DAB1: variants seen among roughly 807,000 people sequenced by gnomAD.
The protein encoded by DAB1 is disabled homolog 1.
In DAB1, 15 loss-of-function variants were observed where a neutral mutation model predicts 64.6. The ratio of observed to expected loss-of-function variants is 0.23; its 90% confidence interval spans 0.16 to 0.36. The LOEUF (loss-of-function observed/expected upper bound fraction) is 0.36, where lower values mean the gene tolerates loss of function less well. DAB1 is among the 10% of genes least tolerant of loss of function. The pLI is 1.00. For missense variants in DAB1, 596 were observed against 706.7 expected, an observed-to-expected ratio of 0.84 and a Z score of 1.78; for synonymous variants, 235 against 251.9, an observed-to-expected ratio of 0.93 and a Z score of 0.64.
At chr1:58,140,212 C>T (rs968316036) in intron 5 of DAB1, among the ~76,000 whole-genome samples, 17 of 152,138 alleles carry the variant, frequency 1.1e-4, no homozygotes, top group African/African-American at 1.7e-4. Context: ...CTACTTGAGG[C>T]TCAATAGAAG....
chr1:57,854,513 C>G (rs373018095), intron 1 of DAB1, among the ~76,000 whole-genome samples: 3 of 152,090 alleles, frequency 2.0e-5, no homozygotes, highest in Non-Finnish European at 4.4e-5. Context: ...TGAGGAAGAT[C>G]GTTTACAGAT....
intron 3 of DAB1, chr1:58,480,835 T>C: frequency 6.9e-6 from 4 of 577,098 alleles, no homozygotes; most frequent in Non-Finnish European, 1.2e-5. Context: ...TTAGATAATA[T>C]CTGTAATGTA....
chr1:57,043,848 A>C (rs931429401), intron 9 of DAB1, among the ~76,000 whole-genome samples: 1 of 149,554 alleles, frequency 6.7e-6, no homozygotes, highest in Non-Finnish European at 1.5e-5. Context: ...CTCCTACTCA[A>C]GAAAAAAAAA....
chr1:58,443,869 T>C (rs1307573612), intron 3 of DAB1, among the ~76,000 whole-genome samples: 1 of 152,238 alleles, frequency 6.6e-6, no homozygotes, highest in Non-Finnish European at 1.5e-5. Context: ...TAATAGTTCA[T>C]CCTAAAATAT....
intron 6 of DAB1, among the ~76,000 whole-genome samples, chr1:57,667,915 T>C (rs982937767): frequency 1.3e-5 from 2 of 151,910 alleles, no homozygotes; most frequent in African/African-American, 4.8e-5. Context: ...TTAGGACAAA[T>C]ACCTCATGCA....
At chr1:58,243,520 T>C (rs867715154) in intron 4 of DAB1, among the ~76,000 whole-genome samples, 14 of 152,150 alleles carry the variant, frequency 9.2e-5, no homozygotes, top group African/African-American at 2.9e-4. Context: ...GGTTTTTTTT[T>C]AGTCCCAAGT....
chr1:57,313,589 G>A (rs1674924985), intron 1 of DAB1, among the ~76,000 whole-genome samples: 1 of 152,158 alleles, frequency 6.6e-6, no homozygotes, highest in Non-Finnish European at 1.5e-5. Flanking sequence ...TGGAATTGAT[G>A]GCACCTGCCA....
chr1:57,684,348 A>T (rs985657084), intron 6 of DAB1, among the ~76,000 whole-genome samples: 1 of 148,648 alleles, frequency 6.7e-6, no homozygotes, highest in South Asian at 2.1e-4. Context: ...AATGCAAAAT[A>T]AAAAAAAAAT....
intron 7 of DAB1, among the ~76,000 whole-genome samples, chr1:57,636,908 T>C (rs1343655128): frequency 1.3e-5 from 2 of 152,220 alleles, no homozygotes; most frequent in East Asian, 1.9e-4. Context: ...ATGGATAATA[T>C]AAATATGGAT....
At chr1:57,812,562 T>A (rs1651680685) in intron 6 of DAB1, among the ~76,000 whole-genome samples, 1 of 152,052 alleles carries the variant, frequency 6.6e-6, no homozygotes, top group South Asian at 2.1e-4. Context: ...ACAAGTGGGC[T>A]CCGCAGCTGC....
Position 58,193,788 on chromosome 1 carries a change from G to A in DAB1, n.310-43200C>T, listed in dbSNP as rs567724974. On this transcript the variant is annotated intron_variant and non_coding_transcript_variant, in intron 4 of 20. Transcript: ENST00000485760. ...GGAGAATCACTTGAACCAGGGAGGC[G>A]GAGGTTGCAGTGAGCCAAGATCGCA... is the stretch of plus-strand genomic sequence containing the variant. Among the ~76,000 whole-genome samples the A allele has an allele frequency of 3.2e-4, 48 of 152,056 alleles. 3 individuals carry two copies. In the East Asian group the frequency reaches 3.5e-3, roughly 11 times the overall value.
intron 1 of DAB1, among the ~76,000 whole-genome samples, chr1:57,339,242 G>A (rs899307179): frequency 3.3e-5 from 5 of 151,098 alleles, no homozygotes; most frequent in Non-Finnish European, 5.9e-5. Context: ...GGCAAGCTCC[G>A]CCTCTTGGGT....
chr1:58,079,261 C>T (rs1649838279), intron 5 of DAB1, among the ~76,000 whole-genome samples: 1 of 152,140 alleles, frequency 6.6e-6, no homozygotes, highest in African/African-American at 2.4e-5. Context: ...ATCAGGGAAC[C>T]CCTCCCAGAC....
At chr1:57,199,703 G>A (rs1438160137) in intron 2 of DAB1, among the ~76,000 whole-genome samples, 2 of 152,188 alleles carry the variant, frequency 1.3e-5, no homozygotes, top group Non-Finnish European at 2.9e-5. Flanking sequence ...GATGGGCGTT[G>A]AAGTCAGAAG....
intron 1 of DAB1, among the ~76,000 whole-genome samples, chr1:57,365,336 T>TAC (rs1301508761): frequency 4.5e-4 from 64 of 142,330 alleles, no homozygotes; most frequent in African/African-American, 1.4e-3. Flanking sequence ...ATATAAAGAA[T>TAC]ATATATAAAT....
chr1:57,201,970 G>GA (rs1180393717), intron 2 of DAB1, among the ~76,000 whole-genome samples: 1 of 152,142 alleles, frequency 6.6e-6, no homozygotes, highest in Non-Finnish European at 1.5e-5. Flanking sequence ...GGAGGAACAG[G>GA]AAAGTATTCA....
At chr1:57,219,318 T>G (rs1260066634) in intron 2 of DAB1, among the ~76,000 whole-genome samples, 1 of 151,430 alleles carries the variant, frequency 6.6e-6, no homozygotes, top group African/African-American at 2.4e-5. Flanking sequence ...AAGGAAAATC[T>G]CAGAATAAAA....
At chr1:57,855,928 A>C (rs879677415) in intron 1 of DAB1, among the ~76,000 whole-genome samples, 12 of 152,226 alleles carry the variant, frequency 7.9e-5, no homozygotes, top group Non-Finnish European at 1.5e-4. Context: ...AGGAGGCAAG[A>C]CGCTAGCTTG....
intron 7 of DAB1, among the ~76,000 whole-genome samples, chr1:57,629,183 G>C (rs1645958237): frequency 6.6e-6 from 1 of 152,056 alleles, no homozygotes; most frequent in Non-Finnish European, 1.5e-5. Flanking sequence ...TACAGGAAAG[G>C]GACACATTTA....
Sources: allele counts gnomAD v4.1 joint callset (sites outside exome capture counted in the v4.1 genomes callset), GRCh38; gene constraint gnomAD v4.1.1; transcripts MANE v1.5; gene names NCBI Gene and HGNC (gene_info 2026-07-23, HGNC 2026-07-21).